SNRPN: variants seen among roughly 807,000 people sequenced by gnomAD.
The protein encoded by SNRPN is small nuclear ribonucleoprotein-associated protein N.
Under a neutral mutation model 25.2 loss-of-function variants are expected in SNRPN, and 7 were observed. The observed-to-expected ratio is 0.28, with a 90% CI of 0.16 to 0.52. SNRPN has a LOEUF of 0.52. SNRPN is among the 20% of genes least tolerant of loss of function. The pLI is 0.96. For synonymous variants in SNRPN, 124 were observed against 110.6 expected (o/e 1.12, Z -0.76); for missense variants, 196 against 322.5 (o/e 0.61, Z 3.00).
At chr15:24,901,897 T>A (rs911901710) in intron 2 of SNRPN, among the ~76,000 whole-genome samples, 2 of 152,176 alleles carry the variant, frequency 1.3e-5, no homozygotes, top group African/African-American at 4.8e-5. Flanking sequence ...ATCAGAATGA[T>A]CTGTTCATAG....
intron 2 of SNRPN, chr15:24,912,656 T>C (rs2059283174): frequency 6.6e-6 from 1 of 152,288 alleles, no homozygotes; most frequent in East Asian, 1.9e-4. Flanking sequence ...GGTTTGGCAA[T>C]TGCGTGGTGA....
rs139295144 is a variant in SNRPN at position 24,896,438 on chromosome 15, A to G, written c.-505+9849A>G. Among the ~76,000 whole-genome samples, 16 of 152,328 alleles carry G rather than the reference A, an allele frequency of 1.1e-4. No individual in the cohort carries two copies. In the East Asian group the frequency reaches 3.1e-3, roughly 29 times the overall value. ...AGTTCATTAAAAGGCAGAATAGCCT[A>G]TGTAGACCTCCCCTTATCAGATGAG... On this transcript the variant is annotated intron_variant, in intron 2 of 11. Coordinates refer to the SNRPN transcript ENST00000400097.
At chr15:24,883,632 A>G (rs1259113315) in intron 1 of SNRPN, among the ~76,000 whole-genome samples, 2 of 152,222 alleles carry the variant, frequency 1.3e-5, no homozygotes, top group Admixed American at 6.5e-5. Context: ...ATGTGCAATT[A>G]TATCTGTGCT....
intron 3 of SNRPN, among the ~76,000 whole-genome samples, chr15:24,937,393 G>A (rs184262234): frequency 6.6e-6 from 1 of 151,966 alleles, no homozygotes. Flanking sequence ...AACAAAACAG[G>A]CATGGTGATG....
intron 1 of SNRPN, among the ~76,000 whole-genome samples, chr15:24,883,917 A>C (rs1273712226): frequency 6.6e-6 from 1 of 151,204 alleles, no homozygotes; most frequent in African/African-American, 2.4e-5. Flanking sequence ...GAGGCACGAG[A>C]ATTGCTTGAG....
chr15:24,927,855 G>A (rs552888605), intron 3 of SNRPN, among the ~76,000 whole-genome samples: 101 of 152,152 alleles, frequency 6.6e-4, no homozygotes, highest in African/African-American at 9.4e-4. Context: ...GGTATGTTAC[G>A]GAATGTCCTC....
chr15:24,881,584 G>GGAGAGAGAGAGAGAGAGA, intron 1 of SNRPN, among the ~76,000 whole-genome samples: 1 of 57,704 alleles, frequency 1.7e-5, no homozygotes, highest in Non-Finnish European at 3.8e-5. Context: ...AGGGAGGGAG[G>GGAGAGAGAGAGAGAGAGA]GAGAGAGAGA....
intron 2 of SNRPN, among the ~76,000 whole-genome samples, chr15:24,895,537 A>T (rs4243769): frequency 6.6e-6 from 1 of 151,698 alleles, no homozygotes; most frequent in African/African-American, 2.4e-5. Flanking sequence ...TTGCCATCAC[A>T]TATCTGGTCA....
upstream of SNRPN, among the ~76,000 whole-genome samples, chr15:24,951,596 C>G (rs1245714976): frequency 6.6e-6 from 1 of 151,860 alleles, no homozygotes; most frequent in Non-Finnish European, 1.5e-5. Flanking sequence ...CAATCTCTGC[C>G]TCCTGGGTTC....
intron 1 of SNRPN, among the ~76,000 whole-genome samples, chr15:24,885,621 C>A (rs1485858448): frequency 6.6e-6 from 1 of 152,040 alleles, no homozygotes; most frequent in Non-Finnish European, 1.5e-5. Flanking sequence ...AACATTGTAT[C>A]ATTTCCCACA....
chr15:24,960,334 T>C (rs1237753720), intron 1 of SNRPN, among the ~76,000 whole-genome samples: 1 of 152,084 alleles, frequency 6.6e-6, no homozygotes, highest in Non-Finnish European at 1.5e-5. Context: ...GATGGTGGCA[T>C]TTCAGTGGGG....
rs2060472815 is a variant in SNRPN, at chr15:24,927,475, AATTT to A, written c.-391+7352_-391+7355del. Among the ~76,000 whole-genome samples the A allele has an allele frequency of 1.4e-4, 16 of 113,332 alleles. 1 individual carries two copies. Among genetic ancestry groups the A allele is most frequent in the Admixed American group, 3.0e-4 (3 of 10,098 alleles). The allele number at this position is 113,332 out of a possible 152,430, so 74.4% of individuals were successfully genotyped here. On this transcript the variant is annotated intron_variant, in intron 3 of 11. Transcript: ENST00000400097. ...TTTCCCACTGCTTATAAAGTTTTTA[AATTT>A]TTTTTTTTTTTTTTTTTTTTTTTTT...
chr15:24,914,909 C>G (rs2059423526), intron 2 of SNRPN, among the ~76,000 whole-genome samples: 1 of 151,886 alleles, frequency 6.6e-6, no homozygotes, highest in South Asian at 2.1e-4. Flanking sequence ...ACGTTATAAC[C>G]AAGAAGCAGG....
intron 3 of SNRPN, among the ~76,000 whole-genome samples, chr15:24,945,578 G>T (rs536321251): frequency 6.6e-6 from 1 of 152,036 alleles, no homozygotes; most frequent in Non-Finnish European, 1.5e-5. Context: ...CAGGCAGCAG[G>T]CAGGATTTGG....
upstream of SNRPN, among the ~76,000 whole-genome samples, chr15:24,952,988 G>A (rs11634690): frequency 0.38 from 57,541 of 151,752 alleles, 11,284 homozygotes; most frequent in East Asian, 0.5. Context: ...CCCAATTCCT[G>A]CTCCTAGAAG....
intron 2 of SNRPN, among the ~76,000 whole-genome samples, chr15:24,914,938 A>T (rs1319534875): frequency 6.6e-6 from 1 of 151,868 alleles, no homozygotes; most frequent in African/African-American, 2.4e-5. Flanking sequence ...GTAGTGGGTG[A>T]AGGAATGGAA....
At position 24,872,044 on chromosome 15, in the gene SNRPN, G is replaced by A. The variant is rs552496284; in HGVS notation, c.-578-14472G>A. Among the ~76,000 whole-genome samples the A allele has an allele frequency of 3.8e-4, 46 of 121,100 alleles. 9 individuals carry two copies. The highest frequency in any genetic ancestry group is 1.2e-3 in the African/African-American group (44 of 35,584). The allele number at this position is 121,100 out of a possible 152,430, so 79.4% of individuals were successfully genotyped here. A position where few individuals can be genotyped will look rare whatever the true frequency, so the allele number is the denominator to read the frequency against. Reference sequence around the variant, plus strand: ...TAGGGTTGTTTTATACTTCTTGATAGTATATGTTGAATGACAAACATTTTA... The same window carrying A: ...TAGGGTTGTTTTATACTTCTTGATAATATATGTTGAATGACAAACATTTTA... On this transcript the variant is annotated intron_variant, in intron 1 of 11. Coordinates refer to the SNRPN transcript ENST00000400097.
At chr15:24,870,288 G>T (rs1438884142) in intron 1 of SNRPN, among the ~76,000 whole-genome samples, 1 of 152,038 alleles carries the variant, frequency 6.6e-6, no homozygotes, top group Non-Finnish European at 1.5e-5. Flanking sequence ...CACTGATACT[G>T]GGTCATCTGT....
At chr15:24,849,343 T>G (rs1162908363) in intron 2 of SNRPN, 1 of 152,236 alleles carries the variant, frequency 6.6e-6, no homozygotes, top group Non-Finnish European at 1.5e-5. Flanking sequence ...ACAAAATTAT[T>G]TTACTAATCA....
Sources: allele counts gnomAD v4.1 joint callset (sites outside exome capture counted in the v4.1 genomes callset), GRCh38; gene constraint gnomAD v4.1.1; transcripts MANE v1.5; gene names NCBI Gene and HGNC (gene_info 2026-07-23, HGNC 2026-07-21).